SIK2: variants seen among roughly 807,000 people sequenced by gnomAD.
The protein encoded by SIK2 is salt inducible kinase 2, also known as serine/threonine-protein kinase SIK2.
In SIK2, 29 loss-of-function variants were observed where a neutral mutation model predicts 103.2. That is an observed-to-expected ratio of 0.28 (90% confidence interval 0.21 to 0.38). The LOEUF is 0.38. SIK2 is among the 10% of genes least tolerant of loss of function. The probability of loss-of-function intolerance (pLI) is 1.00; values close to 1 mark genes in which losing one functional copy is unlikely to be tolerated. For synonymous variants in SIK2, 412 were observed against 446.1 expected, an observed-to-expected ratio of 0.92 and a Z score of 0.96; for missense variants, 879 against 1,171.0, an observed-to-expected ratio of 0.75 and a Z score of 3.64.
intron 3 of SIK2, chr11:111,671,752 C>G (rs549876579): frequency 2.9e-5 from 12 of 408,024 alleles, no homozygotes; most frequent in East Asian, 1.9e-4. Context: ...CCAGGTGAGA[C>G]TCCAGCTCTG....
chr11:111,683,251 C>T (rs1190713430), intron 3 of SIK2: 3 of 152,476 alleles, frequency 2.0e-5, no homozygotes, highest in Non-Finnish European at 4.4e-5. Context: ...CATGCTCGTT[C>T]GAAGAGGACA....
At chr11:111,649,461 A>G (rs1415260563) in intron 3 of SIK2, among the ~76,000 whole-genome samples, 1 of 152,140 alleles carries the variant, frequency 6.6e-6, no homozygotes. Context: ...ACTATAAAGT[A>G]TAAAAGTAAT....
chr11:111,674,021 C>T (rs1942664163), intron 3 of SIK2, among the ~76,000 whole-genome samples: 1 of 150,176 alleles, frequency 6.7e-6, no homozygotes, highest in Non-Finnish European at 1.5e-5. Context: ...TTGCAGTGAG[C>T]TGAGATCGCA....
chr11:111,630,505 AAAG>A (rs748555889), intron 3 of SIK2, among the ~76,000 whole-genome samples: 27 of 152,224 alleles, frequency 1.8e-4, no homozygotes, highest in Non-Finnish European at 3.2e-4. Flanking sequence ...CTCAAAAAAA[AAAG>A]GAGAGTTTAG....
chr11:111,648,843 T>C (rs547294517), intron 3 of SIK2, among the ~76,000 whole-genome samples: 1 of 152,246 alleles, frequency 6.6e-6, no homozygotes, highest in Non-Finnish European at 1.5e-5. Flanking sequence ...TGTATTTTCA[T>C]CTGGAACAAA....
intron 1 of SIK2, among the ~76,000 whole-genome samples, chr11:111,612,468 C>T (rs1404310448): frequency 6.6e-6 from 1 of 152,116 alleles, no homozygotes; most frequent in Non-Finnish European, 1.5e-5. Flanking sequence ...TCTGCTGTTT[C>T]CTCTTCTTTC....
At chr11:111,624,736 T>C (rs1941939198) in intron 3 of SIK2, among the ~76,000 whole-genome samples, 1 of 152,102 alleles carries the variant, frequency 6.6e-6, no homozygotes. Flanking sequence ...TGATGAGTGC[T>C]ATGTAAATAA....
intron 7 of SIK2, among the ~76,000 whole-genome samples, chr11:111,704,436 A>G (rs897314588): frequency 3.3e-5 from 5 of 152,232 alleles, no homozygotes; most frequent in African/African-American, 7.2e-5. Flanking sequence ...AGAGGGTGGG[A>G]CTGCAAAAAC....
At chr11:111,654,835 T>A (rs1263050183) in intron 3 of SIK2, among the ~76,000 whole-genome samples, 2 of 152,216 alleles carry the variant, frequency 1.3e-5, no homozygotes, top group Non-Finnish European at 2.9e-5. Flanking sequence ...TTTTGGAGTA[T>A]TGTACAAAAG....
intron 3 of SIK2, among the ~76,000 whole-genome samples, chr11:111,629,856 A>G (rs550918273): frequency 2.6e-5 from 4 of 152,328 alleles, no homozygotes; most frequent in African/African-American, 9.6e-5. Context: ...ACTCTCATAC[A>G]TTGCTGGTAG....
At chr11:111,678,842 G>T (rs1383911792) in intron 3 of SIK2, among the ~76,000 whole-genome samples, 1 of 152,156 alleles carries the variant, frequency 6.6e-6, no homozygotes, top group African/African-American at 2.4e-5. Flanking sequence ...CCCCCTTTAA[G>T]GGTTCTTTGC....
intron 4 of SIK2, among the ~76,000 whole-genome samples, chr11:111,698,673 T>C (rs765594218): frequency 2.0e-5 from 3 of 152,198 alleles, no homozygotes; most frequent in Admixed American, 1.3e-4. Flanking sequence ...ATCGTGCCAT[T>C]GCACTCTAGC....
intron 2 of SIK2, among the ~76,000 whole-genome samples, chr11:111,617,555 A>G (rs1192899843): frequency 6.6e-6 from 1 of 152,174 alleles, no homozygotes; most frequent in Non-Finnish European, 1.5e-5. Flanking sequence ...CAAAATCTGC[A>G]TTGGTAGGAA....
At chr11:111,630,498 A>T (rs1038676419) in intron 3 of SIK2, among the ~76,000 whole-genome samples, 21 of 138,032 alleles carry the variant, frequency 1.5e-4, no homozygotes, top group Middle Eastern at 7.1e-3. Flanking sequence ...TGTCTCTCTC[A>T]AAAAAAAAAG....
At chr11:111,650,002 A>C (rs1348674431) in intron 3 of SIK2, among the ~76,000 whole-genome samples, 1 of 152,188 alleles carries the variant, frequency 6.6e-6, no homozygotes, top group Non-Finnish European at 1.5e-5. Flanking sequence ...AGTTATATGC[A>C]AACTCAGTAG....
intron 3 of SIK2, among the ~76,000 whole-genome samples, chr11:111,622,103 CT>C (rs2135841537): frequency 6.6e-6 from 1 of 152,022 alleles, no homozygotes. Context: ...CTACCTTTTT[CT>C]TTAAACAATT....
intron 3 of SIK2, among the ~76,000 whole-genome samples, chr11:111,629,911 TC>T (rs1186673162): frequency 6.6e-6 from 1 of 152,190 alleles, no homozygotes; most frequent in Non-Finnish European, 1.5e-5. Context: ...TTTGGCAGTT[TC>T]TTATGAAGTT....
intron 3 of SIK2, among the ~76,000 whole-genome samples, chr11:111,674,669 G>A (rs17474093): frequency 0.034 from 5,160 of 152,080 alleles, 181 homozygotes; most frequent in Admixed American, 0.089. Flanking sequence ...AGATGTCTTT[G>A]TACAATTGTG....
At chr11:111,721,096 G>T (rs763816019) in intron 12 of SIK2, 34 bp downstream of exon 12, 1 of 1,589,202 alleles carries the variant, frequency 6.3e-7, no homozygotes, top group Non-Finnish European at 8.5e-7. Flanking sequence ...CAATGGCTCT[G>T]TGAGGATGAG....
Sources: allele counts gnomAD v4.1 joint callset (sites outside exome capture counted in the v4.1 genomes callset), GRCh38; gene constraint gnomAD v4.1.1; transcripts MANE v1.5; gene names NCBI Gene and HGNC (gene_info 2026-07-23, HGNC 2026-07-21).